EXOC5: variants seen among roughly 807,000 people sequenced by gnomAD.
EXOC5 encodes SEC10-like 1.
EXOC5 carries 17 observed loss-of-function variants against 90.8 expected under a neutral mutation model. That is an observed-to-expected ratio of 0.19 (90% CI 0.13 to 0.28). EXOC5 has a LOEUF of 0.28. Ranked by LOEUF, EXOC5 falls within the 10% of genes least tolerant of loss-of-function variation. The pLI is 1.00. For missense variants in EXOC5, 569 were observed against 830.6 expected (o/e 0.69, Z 3.87); for synonymous variants, 260 against 270.0 (o/e 0.96, Z 0.36).
At chr14:57,239,545 T>G (rs907076154) in intron 5 of EXOC5, 50 bp downstream of exon 5, 1 of 1,014,400 alleles carries the variant, frequency 9.9e-7, no homozygotes, top group Non-Finnish European at 1.5e-6. Context: ...ACTATTTTAT[T>G]TTATAAATTA....
chr14:57,229,904 G>GAAAAAAAGAAAAAAAA lies in EXOC5; in HGVS notation c.1149-24_1149-23insTTTTTTTTCTTTTTTT, dbSNP rs1555368634. The GAAAAAAAGAAAAAAAA allele has an allele frequency of 8.4e-6, 11 of 1,313,260 alleles. No individual in the cohort carries two copies. In the African/African-American group the frequency reaches 1.5e-4, roughly 18 times the overall value. 81.4% of individuals were successfully genotyped at this position (1,313,260 alleles called of 1,614,324 possible). On this transcript the variant is annotated intron_variant, in intron 11 of 17. Coordinates refer to ENST00000621441, the MANE Select transcript of EXOC5 (RefSeq NM_006544.4). Reference sequence around the variant, plus strand: ...ATACTAGTACATCATAAAGACAAATGAAAAAAAGAAAACATTTTACTTAGA... The same window carrying GAAAAAAAGAAAAAAAA: ...ATACTAGTACATCATAAAGACAAATGAAAAAAAGAAAAAAAAAAAAAAAGAAAACATTTTACTTAGA...
chr14:57,243,395 AGCTTTT>A (rs1883931745), intron 4 of EXOC5: 1 of 152,250 alleles, frequency 6.6e-6, no homozygotes, highest in Non-Finnish European at 1.5e-5. Context: ...AATAATACTT[AGCTTTT>A]ACATTCCACT....
At chr14:57,244,945 G>T (rs1234991220) in intron 3 of EXOC5, among the ~76,000 whole-genome samples, 6 of 149,050 alleles carry the variant, frequency 4.0e-5, no homozygotes, top group African/African-American at 1.2e-4. Flanking sequence ...GCAGTGAGCT[G>T]AGATTGCACC....
chr14:57,225,253 A>G (rs957620347), intron 12 of EXOC5, among the ~76,000 whole-genome samples: 1 of 152,220 alleles, frequency 6.6e-6, no homozygotes, highest in Non-Finnish European at 1.5e-5. Context: ...CCATATTAAC[A>G]GAATAACAAA....
At position 57,233,810 on chromosome 14, in the gene EXOC5, T is replaced by C. The variant is rs766834595; in HGVS notation, c.788A>G (p.Asp263Gly). The change falls in exon 9 of 18, where the codon GAT becomes GGT. Residue 263 changes from aspartate to glycine, a missense_variant. This residue lies in a region of EXOC5 where 114 missense variants were observed against 111.2 expected (regional missense o/e 1.03). Transcript: ENST00000621441. ...GACTGTTTCTGGATTACTGAAGATA[T>C]CTCCAACTTGTTTGTTCACTCTTTG... is the stretch of plus-strand genomic sequence containing the variant. ...LCQRVNKQVG[D>G]IFSNPETVLA... is the part of the protein sequence containing the mutation. 4 of 1,604,038 alleles carry C rather than the reference T, an allele frequency of 2.5e-6. No homozygotes were observed. The highest frequency in any genetic ancestry group is 3.4e-6 in the Non-Finnish European group (4 of 1,171,130).
Position 57,202,704 on chromosome 14 carries a change from C to T in EXOC5, c.*5905G>A, listed in dbSNP as rs1165336601. 1.3e-5 allele frequency: 2 copies of T among 152,132 alleles called. No homozygotes were observed. The highest frequency in any genetic ancestry group is 2.4e-5 in the African/African-American group (1 of 41,416). The allele number at this position is 152,132 out of a possible 1,614,324, so 9.4% of individuals were successfully genotyped here. ...TCCACTGTGCACATGTTCTTCAAAA[C>T]TGTTTTGGTTTTGTTATTAATTTCC... On this transcript the variant is annotated 3_prime_UTR_variant, in exon 18 of 18. Transcript: ENST00000621441.
chr14:57,254,092 A>G (rs1884272990), intron 1 of EXOC5, among the ~76,000 whole-genome samples: 1 of 152,190 alleles, frequency 6.6e-6, no homozygotes, highest in Non-Finnish European at 1.5e-5. Flanking sequence ...TAAGGACTGA[A>G]CAGATGTTTC....
intron 7 of EXOC5, among the ~76,000 whole-genome samples, chr14:57,234,569 C>CT (rs1196266019): frequency 0.028 from 3,425 of 122,470 alleles, 60 homozygotes; most frequent in Non-Finnish European, 0.045. Context: ...ATATATATTT[C>CT]TTTTTTTTTT....
chr14:57,262,884 C>G (rs1884558016), intron 1 of EXOC5, among the ~76,000 whole-genome samples: 2 of 151,988 alleles, frequency 1.3e-5, no homozygotes, highest in Non-Finnish European at 2.9e-5. Flanking sequence ...CCTCAGTAAT[C>G]AAATTCCTTT....
chr14:57,204,816 C>G lies in EXOC5; in HGVS notation c.*3793G>C, dbSNP rs1406487994. On this transcript the variant is annotated 3_prime_UTR_variant, in exon 18 of 18. Coordinates refer to ENST00000621441, the MANE Select transcript of EXOC5 (RefSeq NM_006544.4). ...TACATTGAACATATTAAGAAAAACA[C>G]AACAGTAAATTAGATATTGACCCTG... 1 of 152,230 alleles carries G rather than the reference C, an allele frequency of 6.6e-6. No homozygotes were observed. The highest frequency in any genetic ancestry group is 1.5e-5 in the Non-Finnish European group (1 of 67,860). The allele number at this position is 152,230 out of a possible 1,614,324, so 9.4% of individuals were successfully genotyped here. A position where few individuals can be genotyped will look rare whatever the true frequency, so the allele number is the denominator to read the frequency against.
chr14:57,235,029 T>C (rs2139640323), intron 7 of EXOC5, among the ~76,000 whole-genome samples: 1 of 152,266 alleles, frequency 6.6e-6, no homozygotes. Flanking sequence ...TAATAAATCA[T>C]ACATAAAAAC....
At chr14:57,209,297 C>A (rs1489322086) in intron 17 of EXOC5, among the ~76,000 whole-genome samples, 1 of 151,604 alleles carries the variant, frequency 6.6e-6, no homozygotes, top group African/African-American at 2.4e-5. Context: ...GAAGCTGAGG[C>A]AGCAGATCAC....
At chr14:57,236,505 C>T (rs550144230) in intron 6 of EXOC5, among the ~76,000 whole-genome samples, 56 of 151,932 alleles carry the variant, frequency 3.7e-4, no homozygotes, top group Admixed American at 6.5e-4. Flanking sequence ...AAGCTGGTCT[C>T]GAACTCCTGA....
chr14:57,237,299 T>C (rs1478961584), intron 6 of EXOC5, 39 bp downstream of exon 6: 9 of 1,090,806 alleles, frequency 8.3e-6, no homozygotes, highest in Admixed American at 2.1e-5. Flanking sequence ...GTAGTTTTTT[T>C]ACTTATTAAA....
At chr14:57,253,231 T>C (rs189206034) in intron 1 of EXOC5, among the ~76,000 whole-genome samples, 1 of 152,282 alleles carries the variant, frequency 6.6e-6, no homozygotes, top group Admixed American at 6.5e-5. Flanking sequence ...GCCATTTCTA[T>C]ATACTAACAA....
At chr14:57,230,168 A>G (rs1023899246) in intron 11 of EXOC5, among the ~76,000 whole-genome samples, 1 of 152,202 alleles carries the variant, frequency 6.6e-6, no homozygotes. Context: ...TTTCCTTAGA[A>G]AGTGAGCTAT....
intron 10 of EXOC5, 65 bp from the exon 11 acceptor site, chr14:57,231,780 A>T: frequency 1.8e-6 from 2 of 1,122,284 alleles, no homozygotes; most frequent in South Asian, 3.1e-5. Flanking sequence ...AATATTAAGG[A>T]ATACAAATTT....
intron 15 of EXOC5, among the ~76,000 whole-genome samples, chr14:57,216,037 C>A (rs1882961256): frequency 6.7e-6 from 1 of 150,114 alleles, no homozygotes; most frequent in African/African-American, 2.5e-5. Context: ...GCAAACTATC[C>A]AAAAAAGAAA....
chr14:57,234,400 C>T (rs1883587137), intron 7 of EXOC5, among the ~76,000 whole-genome samples: 2 of 151,400 alleles, frequency 1.3e-5, no homozygotes, highest in Non-Finnish European at 2.9e-5. Context: ...TACACACAAA[C>T]ACACACATAC....
Sources: gnomAD v4.1 joint callset for allele counts (sites outside exome capture counted in the v4.1 genomes callset) on GRCh38, gnomAD v4.1.1 for gene constraint, gnomAD v4.1.1 regional missense constraint, MANE v1.5 for transcripts, NCBI Gene and HGNC (gene_info 2026-07-23, HGNC 2026-07-21) for gene names.